RAD51B: variants seen among roughly 807,000 people sequenced by gnomAD.
The protein encoded by RAD51B is RAD51 paralog B.
Under a neutral mutation model 42.2 loss-of-function variants are expected in RAD51B, and 38 were observed. That is an observed-to-expected ratio of 0.90 (90% CI 0.70 to 1.18). RAD51B has a LOEUF of 1.18. Among genes scored for constraint, RAD51B ranks in the 50% most tolerant of loss-of-function variants. The pLI, the probability that RAD51B is intolerant of heterozygous loss-of-function variation, is 0.00. For missense variants in RAD51B, 373 were observed against 400.7 expected, an observed-to-expected ratio of 0.93 and a Z score of 0.59; for synonymous variants, 154 against 145.2, an observed-to-expected ratio of 1.06 and a Z score of -0.43.
chr14:67,897,698 G>A (rs2043470110), intron 7 of RAD51B, among the ~76,000 whole-genome samples: 1 of 150,672 alleles, frequency 6.6e-6, no homozygotes, highest in South Asian at 2.1e-4. Context: ...TACCCAGTCT[G>A]GAGTGCAATG....
intron 7 of RAD51B, among the ~76,000 whole-genome samples, chr14:68,008,123 T>TG (rs1422938418): frequency 6.6e-6 from 1 of 151,820 alleles, no homozygotes; most frequent in African/African-American, 2.4e-5. Context: ...AATCAGTAGT[T>TG]TTACTTCTTG....
At chr14:68,159,215 G>A (rs867261829) in intron 7 of RAD51B, among the ~76,000 whole-genome samples, 1 of 151,944 alleles carries the variant, frequency 6.6e-6, no homozygotes, top group Non-Finnish European at 1.5e-5. Flanking sequence ...GTTTAGGGGG[G>A]TTATCATGAA....
chr14:68,280,353 C>T lies in RAD51B; in HGVS notation c.757-11531C>T, dbSNP rs185845197. Among the ~76,000 whole-genome samples the T allele has an allele frequency of 7.9e-5, 12 of 152,280 alleles. No homozygotes were observed. In the East Asian group the frequency reaches 1.2e-3, roughly 15 times the overall value. ...CTGAGGAAATTAATCCACAAATATC[C>T]GTGGGACCATGAGTTTTCATATTGA... On this transcript the variant is annotated intron_variant, in intron 7 of 10. Coordinates refer to ENST00000471583, the MANE Select transcript of RAD51B (RefSeq NM_133510.4).
At chr14:68,385,002 G>A (rs2083562817) in intron 8 of RAD51B, among the ~76,000 whole-genome samples, 1 of 152,222 alleles carries the variant, frequency 6.6e-6, no homozygotes. Context: ...GACGACAGAG[G>A]AGAAGCTTGT....
At chr14:68,090,474 T>C (rs574576574) in intron 7 of RAD51B, among the ~76,000 whole-genome samples, 5 of 152,228 alleles carry the variant, frequency 3.3e-5, no homozygotes, top group African/African-American at 1.2e-4. Flanking sequence ...TGTATGAGAC[T>C]TAGGGCCTTG....
intron 7 of RAD51B, among the ~76,000 whole-genome samples, chr14:67,966,544 A>G (rs1287246845): frequency 2.6e-5 from 4 of 152,192 alleles, no homozygotes. Flanking sequence ...CATCATCCCC[A>G]ATCCCAGCTG....
intron 10 of RAD51B, among the ~76,000 whole-genome samples, chr14:68,580,675 C>G (rs1453291677): frequency 6.6e-6 from 1 of 152,194 alleles, no homozygotes; most frequent in Non-Finnish European, 1.5e-5. Flanking sequence ...TGCCCCACAC[C>G]TCCCACTGTC....
chr14:68,487,188 C>T (rs1220361906), intron 10 of RAD51B, among the ~76,000 whole-genome samples: 1 of 152,184 alleles, frequency 6.6e-6, no homozygotes, highest in African/African-American at 2.4e-5. Flanking sequence ...GACTGGAAAT[C>T]CGCAATCCAG....
chr14:68,063,419 T>G lies in RAD51B; in HGVS notation c.756+176215T>G, dbSNP rs201577584. The stretch of plus-strand genomic sequence containing the variant: ...TGGTGTTCTCATGACAGTGAGTGAA[T>G]TTTTGGGAGATCTGGTCATTTAAAA... On this transcript the variant is annotated intron_variant, in intron 7 of 10. Coordinates refer to ENST00000471583, the MANE Select transcript of RAD51B (RefSeq NM_133510.4). 4.6e-5 allele frequency among the ~76,000 whole-genome samples: 7 copies of G among 152,174 alleles called. No individual in the cohort carries two copies. The East Asian group carries it at 1.4e-3, about 29-fold the overall frequency.
At position 68,077,504 on chromosome 14, in the gene RAD51B, T is replaced by C. The variant is rs188412847; in HGVS notation, c.756+190300T>C. ...AGTTTCAAGTTGAGTATTAAAGATGTTTGCCTTTTCTAAGCATACACACAT... is the reference window on the plus strand; with the variant it reads ...AGTTTCAAGTTGAGTATTAAAGATGCTTGCCTTTTCTAAGCATACACACAT... On this transcript the variant is annotated intron_variant, in intron 7 of 10. Transcript: ENST00000471583. Among the ~76,000 whole-genome samples the C allele has an allele frequency of 2.0e-5, 3 of 152,334 alleles. No homozygotes were observed. In the East Asian group the frequency reaches 5.8e-4, roughly 29 times the overall value.
intron 7 of RAD51B, among the ~76,000 whole-genome samples, chr14:68,165,009 T>C (rs2078720209): frequency 6.6e-6 from 1 of 152,238 alleles, no homozygotes; most frequent in Non-Finnish European, 1.5e-5. Context: ...CGTATTTGTC[T>C]TAGTAAATCA....
intron 7 of RAD51B, among the ~76,000 whole-genome samples, chr14:67,927,307 C>CA (rs2044550621): frequency 1.3e-5 from 2 of 152,290 alleles, no homozygotes; most frequent in South Asian, 4.1e-4. Context: ...AAGTCTCCAT[C>CA]ATCATGAGTG....
intron 7 of RAD51B, among the ~76,000 whole-genome samples, chr14:68,259,343 C>G (rs2080828736): frequency 6.6e-6 from 1 of 151,728 alleles, no homozygotes; most frequent in African/African-American, 2.4e-5. Flanking sequence ...GGAGATATAC[C>G]TAATGCTAAA....
chr14:68,427,531 C>T (rs1290359840), intron 9 of RAD51B, among the ~76,000 whole-genome samples: 2 of 152,218 alleles, frequency 1.3e-5, no homozygotes, highest in African/African-American at 2.4e-5. Context: ...TTTGGACTAA[C>T]TTGGGATCAG....
At chr14:68,307,432 A>G (rs1304146307) in intron 8 of RAD51B, among the ~76,000 whole-genome samples, 8 of 152,190 alleles carry the variant, frequency 5.3e-5, no homozygotes, top group Non-Finnish European at 1.2e-4. Context: ...AATCAGATTA[A>G]TATCTCCTGA....
At chr14:67,826,663 T>G (rs2040842915) in intron 3 of RAD51B, among the ~76,000 whole-genome samples, 1 of 152,134 alleles carries the variant, frequency 6.6e-6, no homozygotes, top group Admixed American at 6.6e-5. Context: ...TGAACAGATA[T>G]TTGAACAACA....
intron 9 of RAD51B, among the ~76,000 whole-genome samples, chr14:68,422,844 C>G (rs755146013): frequency 6.6e-6 from 1 of 152,132 alleles, no homozygotes; most frequent in African/African-American, 2.4e-5. Flanking sequence ...TCCTTCCTTC[C>G]TGTAACCTTC....
At chr14:68,124,199 T>C (rs976032308) in intron 7 of RAD51B, among the ~76,000 whole-genome samples, 3 of 152,174 alleles carry the variant, frequency 2.0e-5, no homozygotes, top group Admixed American at 2.0e-4. Flanking sequence ...AAGGAGGAAA[T>C]GATAGACTCA....
intron 8 of RAD51B, among the ~76,000 whole-genome samples, chr14:68,410,319 C>T (rs943476610): frequency 2.6e-5 from 4 of 152,128 alleles, no homozygotes; most frequent in Admixed American, 1.3e-4. Context: ...AAAAAAAGAC[C>T]AATTCCTACT....
Sources: gnomAD v4.1 joint callset for allele counts (sites outside exome capture counted in the v4.1 genomes callset) on GRCh38, gnomAD v4.1.1 for gene constraint, MANE v1.5 for transcripts, NCBI Gene and HGNC (gene_info 2026-07-23, HGNC 2026-07-21) for gene names.